Variants in VAV3 observed in about 807,000 individuals in gnomAD.
VAV3 encodes guanine nucleotide exchange factor VAV3.
VAV3 carries 94 observed loss-of-function variants against 131.2 expected under a neutral mutation model. That is an observed-to-expected ratio of 0.72 (90% CI 0.61 to 0.85). VAV3 has a LOEUF of 0.85. VAV3 is among the 40% of genes least tolerant of loss of function. The pLI is 0.00. For synonymous variants in VAV3, 349 were observed against 342.0 expected, an observed-to-expected ratio of 1.02 and a Z score of -0.22; for missense variants, 939 against 1,002.7, an observed-to-expected ratio of 0.94 and a Z score of 0.86.
intron 19 of VAV3, among the ~76,000 whole-genome samples, chr1:107,676,629 A>G (rs1012885357): frequency 1.3e-5 from 2 of 152,204 alleles, no homozygotes; most frequent in African/African-American, 4.8e-5. Context: ...CTAGTTTGAA[A>G]TGGATTTTTG....
At chr1:107,705,621 T>C (rs1046350598) in intron 15 of VAV3, among the ~76,000 whole-genome samples, 1 of 152,154 alleles carries the variant, frequency 6.6e-6, no homozygotes, top group African/African-American at 2.4e-5. Context: ...CAAAATAATT[T>C]TACCATTTAT....
intron 2 of VAV3, among the ~76,000 whole-genome samples, chr1:107,834,769 A>T (rs1415379679): frequency 6.6e-6 from 1 of 152,048 alleles, no homozygotes; most frequent in Non-Finnish European, 1.5e-5. Context: ...TGAGGAAGGA[A>T]GCTGGGAACT....
intron 17 of VAV3, among the ~76,000 whole-genome samples, chr1:107,692,039 T>C (rs955974303): frequency 6.6e-6 from 1 of 152,148 alleles, no homozygotes; most frequent in Non-Finnish European, 1.5e-5. Flanking sequence ...CTATTCAGAC[T>C]AAACACATCA....
intron 1 of VAV3, among the ~76,000 whole-genome samples, chr1:107,877,901 C>A (rs781062875): frequency 3.4e-4 from 51 of 152,160 alleles, no homozygotes; most frequent in Non-Finnish European, 5.7e-4. Flanking sequence ...TCACTCAATG[C>A]TCACAAGTGT....
chr1:107,808,246 A>G (rs937541699), intron 2 of VAV3, among the ~76,000 whole-genome samples: 1 of 152,176 alleles, frequency 6.6e-6, no homozygotes, highest in Non-Finnish European at 1.5e-5. Context: ...GCTCATGAAC[A>G]TGGGCTATTA....
Position 107,719,828 on chromosome 1 carries a change from G to C in VAV3, c.1503-14767C>G, listed in dbSNP as rs544648203. Among the ~76,000 whole-genome samples, 9 of 152,316 alleles carry C rather than the reference G, an allele frequency of 5.9e-5. No homozygotes were observed. In the South Asian group the frequency reaches 1.9e-3, roughly 32 times the overall value. On this transcript the variant is annotated intron_variant, in intron 15 of 26. Coordinates refer to ENST00000370056, the MANE Select transcript of VAV3 (RefSeq NM_006113.5). ...CCAACCCAAATGTCCAACAATGATA[G>C]ACTGGATTAAGAAAATGTGGCACAT...
intron 11 of VAV3, among the ~76,000 whole-genome samples, chr1:107,757,037 TAA>T (rs59567980): frequency 6.9e-6 from 1 of 144,930 alleles, no homozygotes; most frequent in Non-Finnish European, 1.5e-5. Context: ...ACTATTCCAG[TAA>T]AAAAAAAAAA....
chr1:107,887,041 G>A (rs1026431390), intron 1 of VAV3, among the ~76,000 whole-genome samples: 2 of 152,214 alleles, frequency 1.3e-5, no homozygotes, highest in African/African-American at 2.4e-5. Context: ...AAGTTATTAA[G>A]TTAAACTAGA....
chr1:107,667,568 G>A (rs981122516), intron 19 of VAV3, among the ~76,000 whole-genome samples: 7 of 151,910 alleles, frequency 4.6e-5, no homozygotes, highest in African/African-American at 9.7e-5. Flanking sequence ...TGATGGTTTC[G>A]CTGATGATGG....
chr1:107,659,511 T>C (rs1656846335), intron 19 of VAV3, among the ~76,000 whole-genome samples: 1 of 152,324 alleles, frequency 6.6e-6, no homozygotes, highest in Admixed American at 6.5e-5. Flanking sequence ...CTTTAAAGTA[T>C]GCAGAAGCAC....
At chr1:107,695,730 G>T (rs2504463) in intron 17 of VAV3, among the ~76,000 whole-genome samples, 2,996 of 152,276 alleles carry the variant, frequency 0.02, 107 homozygotes, top group African/African-American at 0.068. Flanking sequence ...AAGTCAATCA[G>T]ATTTCCAGAA....
intron 9 of VAV3, among the ~76,000 whole-genome samples, chr1:107,763,718 C>T (rs560823383): frequency 6.6e-6 from 1 of 152,222 alleles, no homozygotes; most frequent in East Asian, 1.9e-4. Flanking sequence ...GCAAAAAGAT[C>T]ACGTATCTAG....
intron 15 of VAV3, among the ~76,000 whole-genome samples, chr1:107,722,664 C>T (rs916263416): frequency 7.2e-5 from 11 of 152,094 alleles, no homozygotes; most frequent in Non-Finnish European, 1.3e-4. Flanking sequence ...AGAGGACACG[C>T]CTGGGCCTGC....
intron 17 of VAV3, among the ~76,000 whole-genome samples, chr1:107,699,731 C>A (rs1027347747): frequency 6.6e-6 from 1 of 152,094 alleles, no homozygotes; most frequent in African/African-American, 2.4e-5. Context: ...TCGATTCTTT[C>A]TCTCTCTTTT....
chr1:107,730,329 A>G (rs1333465733), intron 15 of VAV3, among the ~76,000 whole-genome samples: 1 of 152,220 alleles, frequency 6.6e-6, no homozygotes, highest in African/African-American at 2.4e-5. Flanking sequence ...TTTAACGATC[A>G]TCTGAATCCA....
chr1:107,846,614 A>C (rs996628765), intron 2 of VAV3, among the ~76,000 whole-genome samples: 1 of 152,196 alleles, frequency 6.6e-6, no homozygotes, highest in African/African-American at 2.4e-5. Context: ...AGCGGTTGCA[A>C]TCCTAGTCTC....
intron 20 of VAV3, among the ~76,000 whole-genome samples, chr1:107,621,162 G>A (rs1653572932): frequency 6.6e-6 from 1 of 151,196 alleles, no homozygotes; most frequent in Admixed American, 6.6e-5. Flanking sequence ...CACTAAACAG[G>A]CTGCCAATGT....
intron 1 of VAV3, among the ~76,000 whole-genome samples, chr1:107,882,006 T>C (rs1327149956): frequency 1.3e-5 from 2 of 152,154 alleles, no homozygotes; most frequent in Non-Finnish European, 2.9e-5. Context: ...TTCTCAAAGA[T>C]ATGAATGCAA....
intron 15 of VAV3, among the ~76,000 whole-genome samples, chr1:107,734,184 C>T (rs1662442270): frequency 6.6e-6 from 1 of 152,156 alleles, no homozygotes; most frequent in African/African-American, 2.4e-5. Flanking sequence ...ACCACCAGGC[C>T]TGCCTTACAA....
Sources: gnomAD v4.1 joint callset for allele counts (sites outside exome capture counted in the v4.1 genomes callset) on GRCh38, gnomAD v4.1.1 for gene constraint, MANE v1.5 for transcripts, NCBI Gene and HGNC (gene_info 2026-07-23, HGNC 2026-07-21) for gene names.